CHFR: variants seen among roughly 807,000 people sequenced by gnomAD.
CHFR encodes the protein E3 ubiquitin-protein ligase CHFR.
A neutral mutation model predicts 87.6 loss-of-function variants in CHFR; 57 were observed. The observed-to-expected ratio is 0.65, with a 90% CI of 0.53 to 0.81. The LOEUF is 0.81. CHFR is among the 30% of genes least tolerant of loss of function. The pLI is 0.00. For missense variants in CHFR, 797 were observed against 865.8 expected (o/e 0.92, Z 1.00); for synonymous variants, 381 against 359.2 (o/e 1.06, Z -0.69).
intron 3 of CHFR, among the ~76,000 whole-genome samples, chr12:132,875,892 T>C (rs1235958653): frequency 6.6e-6 from 1 of 151,926 alleles, no homozygotes; most frequent in African/African-American, 2.4e-5. Context: ...TGAAAAAAGC[T>C]GGCCGGGCGC....
chr12:132,858,816 C>T (rs12831326), intron 8 of CHFR, among the ~76,000 whole-genome samples: 38,357 of 143,526 alleles, frequency 0.27, 5,388 homozygotes, highest in Middle Eastern at 0.45. Flanking sequence ...TAGTGGTGTG[C>T]ACCTGTAGTC....
chr12:132,877,650 G>A lies in CHFR; in HGVS notation c.138C>T (p.Cys46=), dbSNP rs775199616. ...GTTTATTGCTGGGGAAGGAAAGGTC[G>A]CAACCTAAAAAAGAGAGGGTGGGTC... ...REWTIGRRRG[C]DLSFPSNKLV... is the part of the protein sequence containing the mutation. Residue 46 remains cysteine (C), a synonymous_variant, in exon 3 of 18, where the codon TGC becomes TGT. Transcript: ENST00000450056. The A allele has an allele frequency of 1.4e-5, 23 of 1,609,908 alleles. No individual in the cohort carries two copies. The highest frequency in any genetic ancestry group is 5.5e-5 in the South Asian group (5 of 90,546).
chr12:132,851,595 C>A, intron 12 of CHFR, 23 bp downstream of exon 12: 1 of 1,592,508 alleles, frequency 6.3e-7, no homozygotes, highest in Non-Finnish European at 8.6e-7. Context: ...AACCCGCCTG[C>A]GTGCGGTGGC....
intron 15 of CHFR, 55 bp from the exon 16 acceptor site, chr12:132,844,189 C>G: frequency 8.5e-7 from 1 of 1,177,428 alleles, no homozygotes; most frequent in South Asian, 1.3e-5. Context: ...CAGCAGCGCA[C>G]GGACTTCACA....
Position 132,870,768 on chromosome 12 carries a change from T to C in CHFR, c.359A>G (p.Tyr120Cys), listed in dbSNP as rs772208422. The C allele has an allele frequency of 4.3e-5, 69 of 1,610,258 alleles. No homozygotes were observed. Among genetic ancestry groups the C allele is most frequent in the Non-Finnish European group, 5.4e-5 (64 of 1,176,706 alleles). ...GCCTTGCTTTTCACTTAAAGATTCA[T>C]AGAGGTATGCCACGTCTAAAAGAAA... ...NEPEHNVAYL[Y>C]ESLSEKQGMT... Residue 120 changes from tyrosine (Y) to cysteine (C), a missense_variant, in exon 5 of 18, where the codon TAT becomes TGT. Around this residue, in one of 2 missense-constraint regions of CHFR, gnomAD observed 597 missense variants for 601.2 expected, o/e 0.99. Transcript: ENST00000450056.
rs989498094 is a variant in CHFR, at chr12:132,841,046, G to A, written c.*508C>T. On this transcript the variant is annotated 3_prime_UTR_variant, in exon 18 of 18. Coordinates refer to ENST00000450056, the MANE Select transcript of CHFR (RefSeq NM_001161346.2). ...TTGTGACATTTAAATCTTATTAGAAGATAAGCACCAAACCTATTAAAATAA... is the reference window on the plus strand; with the variant it reads ...TTGTGACATTTAAATCTTATTAGAAAATAAGCACCAAACCTATTAAAATAA... The A allele has an allele frequency of 1.3e-5, 2 of 153,030 alleles. No individual in the cohort carries two copies. The highest frequency in any genetic ancestry group is 2.9e-5 in the Non-Finnish European group (2 of 68,340). 9.5% of individuals were successfully genotyped at this position (153,030 alleles called of 1,614,324 possible). A position where few individuals can be genotyped will look rare whatever the true frequency, so the allele number is the denominator to read the frequency against.
In CHFR at chr12:132,865,306, CAA is replaced by C. The variant is rs752973043; in HGVS notation, c.584-3674_584-3673del. 1.1e-4 allele frequency among the ~76,000 whole-genome samples: 16 copies of C among 152,210 alleles called. No individual in the cohort carries two copies. The East Asian group carries it at 2.7e-3, about 26-fold the overall frequency. On this transcript the variant is annotated intron_variant, in intron 6 of 17. Coordinates refer to ENST00000450056, the MANE Select transcript of CHFR (RefSeq NM_001161346.2). The stretch of plus-strand genomic sequence containing the variant: ...AAGATACGATGAAGGGTACACAGCC[CAA>C]GAGAGCTGGTAAAACTTCAGCATTC...
At chr12:132,876,173 C>CA (rs61083084) in intron 3 of CHFR, among the ~76,000 whole-genome samples, 22,828 of 139,330 alleles carry the variant, frequency 0.16, 3,692 homozygotes, top group East Asian at 0.47. Context: ...AACTCCATCT[C>CA]AAAAAAAAAA....
chr12:132,885,823 A>G (rs868670159), intron 2 of CHFR, among the ~76,000 whole-genome samples: 1 of 152,184 alleles, frequency 6.6e-6, no homozygotes, highest in African/African-American at 2.4e-5. Context: ...AAACCCACAT[A>G]ATTTGTCTCT....
Position 132,834,087 on chromosome 12 carries a change from G to A in CHFR, c.*7467C>T, listed in dbSNP as rs1160280661. The A allele has an allele frequency of 6.6e-6, 1 of 152,374 alleles. No individual in the cohort carries two copies. The highest frequency in any genetic ancestry group is 1.5e-5 in the Non-Finnish European group (1 of 68,170). 9.4% of individuals were successfully genotyped at this position (152,374 alleles called of 1,614,324 possible). ...AGCCAGCAGGATGACTCCTGGGGTT[G>A]GGCCTGAGCTACAGGGAGGCCATGC... On this transcript the variant is annotated 3_prime_UTR_variant, in exon 18 of 18. Transcript: ENST00000450056.
At position 132,844,098 on chromosome 12, in the gene CHFR, C is replaced by G. The variant is rs754931883; in HGVS notation, c.1772G>C (p.Cys591Ser). ...RVTGDTVLCYCCGLRSFRELT... is the reference protein window; with the variant it reads ...RVTGDTVLCYSCGLRSFRELT... ...CTCACGGAAGCTGCGCAGGCCACAG[C>G]AGTAACACAGAACGGTGTCTCCCGT... Residue 591 changes from cysteine (C) to serine (S), a missense_variant, in exon 16 of 18, where the codon TGC becomes TCC. Around this residue, in one of 2 missense-constraint regions of CHFR, gnomAD observed 200 missense variants for 264.6 expected, o/e 0.76. Coordinates refer to ENST00000450056, the MANE Select transcript of CHFR (RefSeq NM_001161346.2). The G allele has an allele frequency of 8.7e-6, 14 of 1,613,644 alleles. No homozygotes were observed. The highest frequency in any genetic ancestry group is 1.0e-5 in the Non-Finnish European group (12 of 1,179,712).
chr12:132,840,233 A>T lies in CHFR; in HGVS notation c.*1321T>A, dbSNP rs1950685254. The stretch of plus-strand genomic sequence containing the variant: ...GGTTTCACAGGAGTCACTGAGGGAC[A>T]GCAGGTGACAGAGTGACCATCACTA... On this transcript the variant is annotated 3_prime_UTR_variant, in exon 18 of 18. Coordinates refer to ENST00000450056, the MANE Select transcript of CHFR (RefSeq NM_001161346.2). The T allele has an allele frequency of 2.6e-5, 4 of 152,398 alleles. No homozygotes were observed. Among genetic ancestry groups the T allele is most frequent in the Admixed American group, 2.6e-4 (4 of 15,290 alleles). 9.4% of individuals were successfully genotyped at this position (152,398 alleles called of 1,614,324 possible). A position where few individuals can be genotyped will look rare whatever the true frequency, so the allele number is the denominator to read the frequency against.
At chr12:132,875,086 C>T (rs914362709) in intron 3 of CHFR, among the ~76,000 whole-genome samples, 8 of 152,252 alleles carry the variant, frequency 5.3e-5, no homozygotes, top group Non-Finnish European at 4.4e-5. Flanking sequence ...CTGAAGCAGG[C>T]GGGACAGCTA....
intron 5 of CHFR, among the ~76,000 whole-genome samples, chr12:132,870,074 C>T (rs1303780941): frequency 6.6e-6 from 1 of 151,986 alleles, no homozygotes; most frequent in African/African-American, 2.4e-5. Flanking sequence ...CCAGGCGTGC[C>T]GGGCGCGGTG....
intron 12 of CHFR, chr12:132,849,550 A>C (rs1339213060): frequency 6.6e-6 from 1 of 151,792 alleles, no homozygotes; most frequent in African/African-American, 2.4e-5. Flanking sequence ...GCTTCATTCT[A>C]GCTCTGAACA....
At chr12:132,880,229 C>A (rs1208945139) in intron 2 of CHFR, among the ~76,000 whole-genome samples, 5 of 152,168 alleles carry the variant, frequency 3.3e-5, no homozygotes, top group African/African-American at 1.2e-4. Context: ...AATGTAAAAT[C>A]TAAAACTATG....
Position 132,861,537 on chromosome 12 carries a change from A to C in CHFR, c.681T>G (p.Thr227=). The change falls in exon 7 of 18, where the codon ACT becomes ACG. Residue 227 remains threonine (T), a synonymous_variant. Coordinates refer to ENST00000450056, the MANE Select transcript of CHFR (RefSeq NM_001161346.2). ...SFASALPDRK[T]ASFSSLEPQD... Reference sequence around the variant, plus strand: ...GGGGTTCCAACGACGAAAAGGACGCAGTCTTTCTGTCTGGGAGAGCTGAGG... The same window carrying C: ...GGGGTTCCAACGACGAAAAGGACGCCGTCTTTCTGTCTGGGAGAGCTGAGG... The C allele has an allele frequency of 6.2e-7, 1 of 1,614,214 alleles. No homozygotes were observed. Among genetic ancestry groups the C allele is most frequent in the South Asian group, 1.1e-5 (1 of 91,086 alleles).
In CHFR at chr12:132,833,957, A is replaced by G. The variant is rs1336204933; in HGVS notation, c.*7597T>C. 6.6e-6 allele frequency: 1 copy of G among 152,318 alleles called. No individual in the cohort carries two copies. The highest frequency in any genetic ancestry group is 1.5e-5 in the Non-Finnish European group (1 of 68,094). The allele number at this position is 152,318 out of a possible 1,614,324, so 9.4% of individuals were successfully genotyped here. On this transcript the variant is annotated 3_prime_UTR_variant, in exon 18 of 18. Transcript: ENST00000450056. ...ATATTTGAGCTGAACGTGCGTGACAAGGAGGACCAATGCACGCACAGATCT... is the reference window on the plus strand; with the variant it reads ...ATATTTGAGCTGAACGTGCGTGACAGGGAGGACCAATGCACGCACAGATCT...
chr12:132,849,897 T>C (rs11614340), intron 12 of CHFR: 31,368 of 152,190 alleles, frequency 0.21, 4,147 homozygotes, highest in Non-Finnish European at 0.3. Context: ...CTAGGTGGCC[T>C]TTTTCTACCT....
Sources: allele counts gnomAD v4.1 joint callset (sites outside exome capture counted in the v4.1 genomes callset), GRCh38; gene constraint gnomAD v4.1.1; regional missense constraint gnomAD v4.1.1; transcripts MANE v1.5; gene names NCBI Gene and HGNC (gene_info 2026-07-23, HGNC 2026-07-21).